CACNA1D: variants seen among roughly 807,000 people sequenced by gnomAD.
CACNA1D encodes the protein calcium voltage-gated channel subunit alpha1 D, also known as voltage-dependent L-type calcium channel subunit alpha-1D.
Under a neutral mutation model 257.1 loss-of-function variants are expected in CACNA1D, and 55 were observed. The ratio of observed to expected loss-of-function variants is 0.21; its 90% CI spans 0.17 to 0.27. The LOEUF is 0.27. CACNA1D is among the 10% of genes least tolerant of loss of function. The pLI, the probability that CACNA1D is intolerant of heterozygous loss-of-function variation, is 1.00. For synonymous variants in CACNA1D, 980 were observed against 1,014.9 expected, an observed-to-expected ratio of 0.97 and a Z score of 0.65; for missense variants, 1,876 against 2,784.0, an observed-to-expected ratio of 0.67 and a Z score of 7.34.
At chr3:53,738,185 G>A (rs2095077698) in intron 20 of CACNA1D, among the ~76,000 whole-genome samples, 1 of 152,200 alleles carries the variant, frequency 6.6e-6, no homozygotes, top group East Asian at 1.9e-4. Context: ...AGATTTTAGG[G>A]TTAAGACACA....
chr3:53,608,421 T>C (rs2093541164), intron 3 of CACNA1D, among the ~76,000 whole-genome samples: 1 of 152,226 alleles, frequency 6.6e-6, no homozygotes, highest in Non-Finnish European at 1.5e-5. Context: ...ATGTCATTTG[T>C]GAACAAAGAT....
rs548502340 is a variant in CACNA1D at position 53,495,355 on chromosome 3, G to C, written c.67+122G>C. The C allele has an allele frequency of 1.9e-5, 22 of 1,149,200 alleles. No homozygotes were observed. Among genetic ancestry groups the C allele is most frequent in the South Asian group, 1.7e-4 (14 of 80,656 alleles). The allele number at this position is 1,149,200 out of a possible 1,614,324, so 71.2% of individuals were successfully genotyped here. The stretch of plus-strand genomic sequence containing the variant: ...GGGTTGGAGAGGGTGCTGCCAGCTC[G>C]GTGTCGTCTACACAGAGAGGGGACA... On this transcript the variant is annotated intron_variant, in intron 1 of 47. Coordinates refer to ENST00000350061, the MANE Select transcript of CACNA1D (RefSeq NM_001128840.3). This position sits in a 1 kb window ranked among gnomAD's most constrained non-coding sequence, Gnocchi z 5.1.
At chr3:53,642,855 G>A (rs1254060339) in intron 3 of CACNA1D, among the ~76,000 whole-genome samples, 1 of 152,212 alleles carries the variant, frequency 6.6e-6, no homozygotes, top group East Asian at 1.9e-4. Context: ...TCCACAGGGA[G>A]AAGTGTATTC....
intron 11 of CACNA1D, 49 bp from the exon 12 acceptor site, chr3:53,722,265 T>G (rs2094890237): frequency 3.1e-6 from 5 of 1,601,064 alleles, no homozygotes; most frequent in Non-Finnish European, 4.3e-6. Context: ...TATTGGATAC[T>G]CAGATGCTGT....
chr3:53,585,173 A>T (rs2093193677), intron 3 of CACNA1D, among the ~76,000 whole-genome samples: 1 of 152,050 alleles, frequency 6.6e-6, no homozygotes, highest in Admixed American at 6.6e-5. Context: ...AATGAAGTTT[A>T]ATTAATAGAA....
At chr3:53,554,830 CT>C (rs2092608403) in intron 3 of CACNA1D, among the ~76,000 whole-genome samples, 1 of 152,164 alleles carries the variant, frequency 6.6e-6, no homozygotes, top group African/African-American at 2.4e-5. Context: ...TGGTTAAGTT[CT>C]TGGACTCAAC....
chr3:53,545,491 C>T (rs761831426), intron 3 of CACNA1D, among the ~76,000 whole-genome samples: 1 of 152,124 alleles, frequency 6.6e-6, no homozygotes, highest in Non-Finnish European at 1.5e-5. Flanking sequence ...CTTAGAGGAG[C>T]GGGGTGAGGA....
intron 37 of CACNA1D, among the ~76,000 whole-genome samples, chr3:53,778,953 C>CT (rs1232026990): frequency 6.6e-6 from 1 of 152,232 alleles, no homozygotes; most frequent in Non-Finnish European, 1.5e-5. Context: ...GTCCCAGGCC[C>CT]TGTGCCTGGC....
At chr3:53,769,169 C>T (rs1485862968) in intron 30 of CACNA1D, among the ~76,000 whole-genome samples, 2 of 152,224 alleles carry the variant, frequency 1.3e-5, no homozygotes, top group African/African-American at 4.8e-5. Flanking sequence ...AAGGCCCCTG[C>T]CCTCCCTGGG....
chr3:53,542,175 A>G (rs2092312944), intron 3 of CACNA1D, among the ~76,000 whole-genome samples: 1 of 151,342 alleles, frequency 6.6e-6, no homozygotes, highest in Non-Finnish European at 1.5e-5. Context: ...GAAGCTATTA[A>G]AAAACATTAA....
chr3:53,550,720 C>G lies in CACNA1D; in HGVS notation c.483+49000C>G, dbSNP rs535083073. Among the ~76,000 whole-genome samples, 3 of 152,186 alleles carry G rather than the reference C, an allele frequency of 2.0e-5. No individual in the cohort carries two copies. In the South Asian group the frequency reaches 6.2e-4, roughly 32 times the overall value. On this transcript the variant is annotated intron_variant, in intron 3 of 47. Coordinates refer to ENST00000350061, the MANE Select transcript of CACNA1D (RefSeq NM_001128840.3). ...TTATTGCTCCATATCTGAGGAAAAC[C>G]ATGTGAAAAATCCCTAGACACATAG...
intron 3 of CACNA1D, among the ~76,000 whole-genome samples, chr3:53,555,857 G>T (rs974459049): frequency 3.3e-5 from 5 of 152,046 alleles, no homozygotes; most frequent in African/African-American, 1.2e-4. Context: ...AAAAATCGGG[G>T]TGTGTGCACG....
chr3:53,661,982 C>G (rs1341791414), intron 5 of CACNA1D, among the ~76,000 whole-genome samples: 1 of 152,170 alleles, frequency 6.6e-6, no homozygotes, highest in South Asian at 2.1e-4. Context: ...ATCCCAGTCT[C>G]TCATCAAACT....
chr3:53,653,778 A>C (rs1415936040), intron 4 of CACNA1D, among the ~76,000 whole-genome samples: 3 of 152,114 alleles, frequency 2.0e-5, no homozygotes, highest in Non-Finnish European at 4.4e-5. Flanking sequence ...CAGAAAAAAA[A>C]TTTTGAAGAA....
rs562800490 is a variant in CACNA1D, at chr3:53,774,878, T to A, written c.4202+200T>A. On this transcript the variant is annotated intron_variant, in intron 34 of 47. Transcript: ENST00000350061. The surrounding 1 kb of genome is among the most constrained non-coding windows in gnomAD (Gnocchi z 4.3). Reference sequence around the variant, plus strand: ...AGGAATTTTGCTGGATTGTTAAAACTGCTGTGGTAATCCCGATTGTGGCTG... The same window carrying A: ...AGGAATTTTGCTGGATTGTTAAAACAGCTGTGGTAATCCCGATTGTGGCTG... Among the ~76,000 whole-genome samples, 5 of 152,382 alleles carry A rather than the reference T, an allele frequency of 3.3e-5. No homozygotes were observed. In the South Asian group the frequency reaches 1.0e-3, roughly 32 times the overall value.
chr3:53,543,120 A>C (rs1456966473), intron 3 of CACNA1D, among the ~76,000 whole-genome samples: 3 of 149,990 alleles, frequency 2.0e-5, no homozygotes, highest in Non-Finnish European at 2.9e-5. Context: ...AGCAGCAGTA[A>C]AAAATAAATA....
chr3:53,711,574 A>G lies in CACNA1D; in HGVS notation c.1391-6727A>G, dbSNP rs377525351. 1.8e-3 allele frequency among the ~76,000 whole-genome samples: 279 copies of G among 152,332 alleles called. 6 individuals carry two copies. In the South Asian group the frequency reaches 0.047, roughly 26 times the overall value. ...GGCCCTGGTCACCTGACTCTGGGGA[A>G]AGTCTGTTTAAGGAGATTCAGACAG... On this transcript the variant is annotated intron_variant, in intron 9 of 47. Transcript: ENST00000350061.
chr3:53,566,281 A>G (rs2107663091), intron 3 of CACNA1D, among the ~76,000 whole-genome samples: 1 of 152,220 alleles, frequency 6.6e-6, no homozygotes, highest in Admixed American at 6.5e-5. Context: ...TTCTCTCTGC[A>G]AGAGTGACTG....
chr3:53,505,467 C>T (rs2090803093), intron 3 of CACNA1D, among the ~76,000 whole-genome samples: 4 of 152,162 alleles, frequency 2.6e-5, no homozygotes, highest in Admixed American at 2.6e-4. Flanking sequence ...GTGAAGCATT[C>T]TGAATCCCCA....
Sources: gnomAD v4.1 joint callset for allele counts (sites outside exome capture counted in the v4.1 genomes callset) on GRCh38, gnomAD v4.1.1 for gene constraint, Gnocchi (gnomAD v3.1) non-coding constraint, MANE v1.5 for transcripts, NCBI Gene and HGNC (gene_info 2026-07-23, HGNC 2026-07-21) for gene names.